Variants in ATP5F1A observed in about 807,000 individuals in gnomAD.
The protein encoded by ATP5F1A is ATP synthase F(1) complex subunit alpha, mitochondrial.
ATP5F1A carries 24 observed loss-of-function variants against 57.4 expected under a neutral mutation model. That is an observed-to-expected ratio of 0.42 (90% confidence interval 0.30 to 0.59). The LOEUF (loss-of-function observed/expected upper bound fraction) is 0.59, where lower values mean the gene tolerates loss of function less well. Ranked by LOEUF, ATP5F1A falls within the 20% of genes least tolerant of loss-of-function variation. ATP5F1A has a pLI of 0.19. For synonymous variants in ATP5F1A, 251 were observed against 255.5 expected (o/e 0.98, Z 0.17); for missense variants, 494 against 707.9 (o/e 0.70, Z 3.43).
Position 46,091,096 on chromosome 18 carries a change from C to CT in ATP5F1A, c.309+585dup, listed in dbSNP as rs146759118. 2.1e-3 allele frequency among the ~76,000 whole-genome samples: 320 copies of CT among 152,328 alleles called. 2 individuals carry two copies. The highest frequency in any genetic ancestry group is 7.2e-3 in the African/African-American group (299 of 41,574). On this transcript the variant is annotated intron_variant, in intron 3 of 11. Transcript: ENST00000398752. ...GTAGACATTACCAAGAGTATCAAGA[C>CT]TATCTTTTCCCATATCTGCATGCCT... is the stretch of plus-strand genomic sequence containing the variant.
At chr18:46,104,076 A>T in intron 1 of ATP5F1A, 1 of 286,790 alleles carries the variant, frequency 3.5e-6, no homozygotes, top group East Asian at 5.8e-5. Context: ...CGTTTCAAGT[A>T]CTTTTTTTTA....
At chr18:46,096,769 G>A (rs111442315) in intron 1 of ATP5F1A, among the ~76,000 whole-genome samples, 2 of 151,024 alleles carry the variant, frequency 1.3e-5, no homozygotes, top group African/African-American at 4.8e-5. Context: ...ATCACCTGAC[G>A]TCAGGAGTTC....
intron 5 of ATP5F1A, 50 bp downstream of exon 5, chr18:46,089,516 C>T (rs776607803): frequency 6.2e-7 from 1 of 1,600,908 alleles, no homozygotes; most frequent in Non-Finnish European, 8.5e-7. Flanking sequence ...TATAATCCTT[C>T]CATTGAGCAA....
At position 46,087,005 on chromosome 18, in the gene ATP5F1A, T is replaced by A; in HGVS notation, c.1176+3A>T. 1 of 1,613,528 alleles carries A rather than the reference T, an allele frequency of 6.2e-7. No homozygotes were observed. Among genetic ancestry groups the A allele is most frequent in the Non-Finnish European group, 8.5e-7 (1 of 1,179,442 alleles). The stretch of plus-strand genomic sequence containing the variant: ...ACATTTCTTTTAATCATTAAAATAA[T>A]ACCTGTCCGTCAGTGATGGAAATGA... On this transcript the variant is annotated splice_donor_region_variant and intron_variant, in intron 8 of 11. Coordinates refer to ENST00000398752, the MANE Select transcript of ATP5F1A (RefSeq NM_004046.6).
chr18:46,096,910 G>C (rs1816264857), intron 1 of ATP5F1A, among the ~76,000 whole-genome samples: 1 of 149,424 alleles, frequency 6.7e-6, no homozygotes, highest in Non-Finnish European at 1.5e-5. Context: ...TTGATCCTGG[G>C]AGGCGGTGGT....
At chr18:46,097,324 TGTCA>T (rs1911037415) in intron 1 of ATP5F1A, among the ~76,000 whole-genome samples, 1 of 152,116 alleles carries the variant, frequency 6.6e-6, no homozygotes, top group African/African-American at 2.4e-5. Context: ...AAAAAAAAAG[TGTCA>T]GTGTCAATGC....
rs773540706 is a variant in ATP5F1A, at chr18:46,087,353, G to A, written c.939C>T (p.Asp313=). Residue 313 remains aspartate (D), a synonymous_variant, in exon 7 of 12, where the codon GAC becomes GAT. Coordinates refer to ENST00000398752, the MANE Select transcript of ATP5F1A (RefSeq NM_004046.6). ...TATTTCCTTTGACCTGTTTGGATAA[G>A]TCGTCATAGATGATCAAAGCATGTT... ...NGKHALIIYD[D]LSKQAVAYRQ... 1.9e-6 allele frequency: 3 copies of A among 1,614,100 alleles called. No individual in the cohort carries two copies. Among genetic ancestry groups the A allele is most frequent in the South Asian group, 2.2e-5 (2 of 91,078 alleles).
Position 46,081,692 on chromosome 18 carries a change from A to AAAAAAAAAAAAAAAAAAAAAAAC in ATP5F1A, c.*2589_*2590insGTTTTTTTTTTTTTTTTTTTTTT, listed in dbSNP as rs1568240735. The stretch of plus-strand genomic sequence containing the variant: ...AAAAAACAAAAAAAAAAAAAAAAAA[A>AAAAAAAAAAAAAAAAAAAAAAAC]AAAAACGAAATGTGCAGAACCTTCT... On this transcript the variant is annotated 3_prime_UTR_variant, in exon 12 of 12. Transcript: ENST00000398752. The AAAAAAAAAAAAAAAAAAAAAAAC allele has an allele frequency of 8.3e-5, 12 of 144,548 alleles. No homozygotes were observed. Among genetic ancestry groups the AAAAAAAAAAAAAAAAAAAAAAAC allele is most frequent in the Non-Finnish European group, 1.5e-4 (10 of 65,342 alleles). The allele number at this position is 144,548 out of a possible 1,614,324, so 9.0% of individuals were successfully genotyped here.
chr18:46,098,277 G>C lies in ATP5F1A; in HGVS notation c.-46C>G. Reference sequence around the variant, plus strand: ...CGGTACTTCTGCAGCCGCAGCCTCCGGACTGACTGGGACAAAATGGCCGAG... The same window carrying C: ...CGGTACTTCTGCAGCCGCAGCCTCCCGACTGACTGGGACAAAATGGCCGAG... On this transcript the variant is annotated 5_prime_UTR_variant, in exon 1 of 12. Transcript: ENST00000398752. 1 of 1,564,128 alleles carries C rather than the reference G, an allele frequency of 6.4e-7. No individual in the cohort carries two copies. Among genetic ancestry groups the C allele is most frequent in the African/African-American group, 1.3e-5 (1 of 74,154 alleles).
rs376799900 is a variant in ATP5F1A, at chr18:46,098,270, A to G, written c.-39T>C. On this transcript the variant is annotated 5_prime_UTR_variant, in exon 1 of 12. Transcript: ENST00000398752. ...CCGCAGGCGGTACTTCTGCAGCCGC[A>G]GCCTCCGGACTGACTGGGACAAAAT... 9,581 of 1,588,068 alleles carry G rather than the reference A, an allele frequency of 6.0e-3. 34 individuals carry two copies. Among genetic ancestry groups the G allele is most frequent in the Non-Finnish European group, 7.3e-3 (8,578 of 1,171,244 alleles).
At chr18:46,086,518 G>A (rs749037687) in intron 8 of ATP5F1A, 24 bp from the exon 9 acceptor site, 31 of 1,589,806 alleles carry the variant, frequency 1.9e-5, no homozygotes, top group Middle Eastern at 1.7e-4. Flanking sequence ...AAATACGCAC[G>A]CTAGCAAGCT....
chr18:46,089,472 G>C (rs1798361827), intron 5 of ATP5F1A, 94 bp downstream of exon 5: 1 of 1,393,752 alleles, frequency 7.2e-7, no homozygotes, highest in Non-Finnish European at 9.9e-7. Context: ...AGATTCTAAT[G>C]TCCCCATTAC....
rs1568240684 is a variant in ATP5F1A at position 46,081,684 on chromosome 18, A to AAAAAAAAAAAAAAC, written c.*2584_*2597dup. On this transcript the variant is annotated 3_prime_UTR_variant, in exon 12 of 12. Coordinates refer to ENST00000398752, the MANE Select transcript of ATP5F1A (RefSeq NM_004046.6). ...TCAAAAAAAAAAAACAAAAAAAAAA[A>AAAAAAAAAAAAAAC]AAAAAAAAAAAAACGAAATGTGCAG... The AAAAAAAAAAAAAAC allele has an allele frequency of 5.0e-5, 5 of 99,160 alleles. No individual in the cohort carries two copies. The highest frequency in any genetic ancestry group is 8.6e-5 in the African/African-American group (2 of 23,146). 6.1% of individuals were successfully genotyped at this position (99,160 alleles called of 1,614,324 possible). A position where few individuals can be genotyped will look rare whatever the true frequency, so the allele number is the denominator to read the frequency against.
chr18:46,099,009 T>G (rs192635321), upstream of ATP5F1A, among the ~76,000 whole-genome samples: 13 of 152,068 alleles, frequency 8.5e-5, no homozygotes, highest in African/African-American at 3.1e-4. Flanking sequence ...ACCTAGGTGA[T>G]GGGATGATAG....
rs1322122694 is a variant in ATP5F1A at position 46,080,788 on chromosome 18, A to ACATATTTTTAAATGTGATATTTAAAAAT, written c.*3466_*3493dup. On this transcript the variant is annotated 3_prime_UTR_variant, in exon 12 of 12. Coordinates refer to ENST00000398752, the MANE Select transcript of ATP5F1A (RefSeq NM_004046.6). ...GGCTATCATATTCTTTAAAAATATC[A>ACATATTTTTAAATGTGATATTTAAAAAT]CATATTTTTAAATGTGATATTTAAA... The ACATATTTTTAAATGTGATATTTAAAAAT allele has an allele frequency of 6.6e-6, 1 of 151,900 alleles. No homozygotes were observed. Among genetic ancestry groups the ACATATTTTTAAATGTGATATTTAAAAAT allele is most frequent in the African/African-American group, 2.4e-5 (1 of 41,388 alleles). 9.4% of individuals were successfully genotyped at this position (151,900 alleles called of 1,614,324 possible).
chr18:46,098,369 CT>C (rs1235373384), upstream of ATP5F1A: 424 of 1,067,606 alleles, frequency 4.0e-4, no homozygotes, highest in Admixed American at 1.8e-3. Context: ...TTCACCACCT[CT>C]CCCCCCGCCC....
intron 1 of ATP5F1A, among the ~76,000 whole-genome samples, chr18:46,095,964 T>C (rs201255680): frequency 2.6e-5 from 4 of 151,768 alleles, no homozygotes; most frequent in Admixed American, 6.6e-5. Flanking sequence ...TCTTGGCTCA[T>C]TGCAACCTTC....
intron 5 of ATP5F1A, 159 bp downstream of exon 5, chr18:46,089,407 G>A: frequency 1.2e-6 from 1 of 804,002 alleles, no homozygotes. Flanking sequence ...CACAGGTGTG[G>A]AGGGGCTGGC....
At position 46,098,281 on chromosome 18, in the gene ATP5F1A, T is replaced by C. The variant is rs76840554; in HGVS notation, c.-50A>G. On this transcript the variant is annotated 5_prime_UTR_variant, in exon 1 of 12. Coordinates refer to ENST00000398752, the MANE Select transcript of ATP5F1A (RefSeq NM_004046.6). Reference sequence around the variant, plus strand: ...ACTTCTGCAGCCGCAGCCTCCGGACTGACTGGGACAAAATGGCCGAGCCGC... The same window carrying C: ...ACTTCTGCAGCCGCAGCCTCCGGACCGACTGGGACAAAATGGCCGAGCCGC... 2.1e-4 allele frequency: 334 copies of C among 1,563,436 alleles called. 1 individual carries two copies. The East Asian group carries it at 7.5e-3, about 35-fold the overall frequency.
Sources: allele counts gnomAD v4.1 joint callset (sites outside exome capture counted in the v4.1 genomes callset), GRCh38; gene constraint gnomAD v4.1.1; transcripts MANE v1.5; gene names NCBI Gene and HGNC (gene_info 2026-07-23, HGNC 2026-07-21).